PDZD2: variants seen among roughly 807,000 people sequenced by gnomAD.
The protein encoded by PDZD2 is PDZ domain-containing protein 2.
In PDZD2, 90 loss-of-function variants were observed where a neutral mutation model predicts 220.7. That is an observed-to-expected ratio of 0.41 (90% CI 0.34 to 0.49). The LOEUF (loss-of-function observed/expected upper bound fraction) is 0.49. Ranked by LOEUF, PDZD2 falls within the 20% of genes least tolerant of loss-of-function variation. PDZD2 has a pLI of 0.28. For synonymous variants in PDZD2, 1,375 were observed against 1,450.5 expected, an observed-to-expected ratio of 0.95 and a Z score of 1.18; for missense variants, 3,174 against 3,608.5, an observed-to-expected ratio of 0.88 and a Z score of 3.08.
chr5:31,974,704 C>T (rs1255688532), intron 2 of PDZD2, among the ~76,000 whole-genome samples: 1 of 152,162 alleles, frequency 6.6e-6, no homozygotes, highest in Non-Finnish European at 1.5e-5. Flanking sequence ...TCCTTCAGGG[C>T]AGTATGGACC....
At chr5:32,061,177 C>T in intron 14 of PDZD2, 43 bp downstream of exon 14, 2 of 1,589,210 alleles carry the variant, frequency 1.3e-6, no homozygotes, top group African/African-American at 1.3e-5. Flanking sequence ...AGATGATACA[C>T]CTTCCTAGGA....
chr5:31,808,042 G>A (rs1754842925), intron 2 of PDZD2, among the ~76,000 whole-genome samples: 1 of 152,206 alleles, frequency 6.6e-6, no homozygotes, highest in African/African-American at 2.4e-5. Flanking sequence ...CTGCTAGAAG[G>A]TGTTACTTGG....
rs148851773 is a variant in PDZD2 at position 31,970,960 on chromosome 5, GCA to G, written c.477-12193_477-12192del. ...CAGCTGCCTCACAACTACCACATGA[GCA>G]CCTCAAACTCAAGGTGTCCAGAACT... On this transcript the variant is annotated intron_variant, in intron 2 of 24. Coordinates refer to ENST00000438447, the MANE Select transcript of PDZD2 (RefSeq NM_178140.4). Among the ~76,000 whole-genome samples the G allele has an allele frequency of 9.2e-3, 1,396 of 152,210 alleles. 25 individuals are homozygous for G. The highest frequency in any genetic ancestry group is 0.032 in the African/African-American group (1,317 of 41,522).
intron 6 of PDZD2, among the ~76,000 whole-genome samples, chr5:32,011,008 C>CAAAAAAA (rs34837601): frequency 1.1e-4 from 11 of 100,340 alleles, no homozygotes; most frequent in African/African-American, 4.3e-4. Context: ...AAAAACCTCT[C>CAAAAAAA]AAAAAAAAAA....
chr5:31,992,972 G>A (rs1751346718), intron 3 of PDZD2, among the ~76,000 whole-genome samples: 1 of 152,022 alleles, frequency 6.6e-6, no homozygotes, highest in Non-Finnish European at 1.5e-5. Flanking sequence ...ACAACATCCA[G>A]TCAGCACATC....
At chr5:31,979,895 C>G (rs1364013406) in intron 2 of PDZD2, among the ~76,000 whole-genome samples, 2 of 152,148 alleles carry the variant, frequency 1.3e-5, no homozygotes, top group African/African-American at 4.8e-5. Flanking sequence ...ATTGATATTT[C>G]CAAGCTGCAG....
intron 19 of PDZD2, among the ~76,000 whole-genome samples, chr5:32,078,389 T>C (rs1176612276): frequency 6.6e-6 from 1 of 152,074 alleles, no homozygotes; most frequent in African/African-American, 2.4e-5. Flanking sequence ...CCCAGCACTT[T>C]GGGAAGCTGA....
intron 19 of PDZD2, among the ~76,000 whole-genome samples, chr5:32,086,820 G>A (rs572118025): frequency 2.1e-5 from 3 of 140,768 alleles, no homozygotes; most frequent in Non-Finnish European, 4.5e-5. Flanking sequence ...GGGATTACAG[G>A]TGCCCACCCC....
intron 2 of PDZD2, among the ~76,000 whole-genome samples, chr5:31,872,270 G>A (rs76792962): frequency 0.011 from 1,727 of 151,964 alleles, 33 homozygotes; most frequent in African/African-American, 0.039. Flanking sequence ...TCTCAGGGTC[G>A]GTCAACTTGA....
chr5:31,660,698 G>A (rs536731250), intron 1 of PDZD2, among the ~76,000 whole-genome samples: 1 of 152,244 alleles, frequency 6.6e-6, no homozygotes, highest in South Asian at 2.1e-4. Flanking sequence ...TGGGGATTAT[G>A]GGAACTACAA....
intron 2 of PDZD2, among the ~76,000 whole-genome samples, chr5:31,976,140 T>C (rs1187049076): frequency 1.3e-5 from 2 of 152,148 alleles, no homozygotes; most frequent in Non-Finnish European, 2.9e-5. Flanking sequence ...AGGGAGGCGA[T>C]ACCTGAGAGA....
chr5:31,816,373 G>C (rs1755460138), intron 2 of PDZD2, among the ~76,000 whole-genome samples: 1 of 151,774 alleles, frequency 6.6e-6, no homozygotes, highest in South Asian at 2.1e-4. Flanking sequence ...CTGAAGCCAA[G>C]TACAGTAGTT....
At chr5:32,062,980 A>C (rs1319302651) in intron 14 of PDZD2, among the ~76,000 whole-genome samples, 1 of 151,620 alleles carries the variant, frequency 6.6e-6, no homozygotes, top group East Asian at 1.9e-4. Flanking sequence ...AGCTCCTTAC[A>C]TTTTATCATT....
intron 2 of PDZD2, among the ~76,000 whole-genome samples, chr5:31,978,817 G>A (rs900618618): frequency 2.0e-5 from 3 of 151,972 alleles, no homozygotes; most frequent in African/African-American, 7.3e-5. Context: ...TCTGCAGGAA[G>A]ACCTTAGAAA....
At chr5:32,018,426 G>T (rs1478739759) in intron 6 of PDZD2, among the ~76,000 whole-genome samples, 1 of 152,240 alleles carries the variant, frequency 6.6e-6, no homozygotes, top group African/African-American at 2.4e-5. Flanking sequence ...TTCAGGGACA[G>T]AGGGAGTGAG....
intron 2 of PDZD2, among the ~76,000 whole-genome samples, chr5:31,913,468 A>T (rs911809490): frequency 6.6e-6 from 1 of 152,218 alleles, no homozygotes. Context: ...TAGTTTGTAC[A>T]ATTGAAAAAT....
At chr5:31,661,785 G>GGTT in intron 1 of PDZD2, among the ~76,000 whole-genome samples, 1 of 141,840 alleles carries the variant, frequency 7.1e-6, no homozygotes, top group South Asian at 2.2e-4. Flanking sequence ...TCCTCCCTTG[G>GGTT]TTTTTTTTTT....
chr5:31,841,017 G>T (rs1757268887), intron 2 of PDZD2: 2 of 344,948 alleles, frequency 5.8e-6, no homozygotes, highest in Admixed American at 8.8e-5. Flanking sequence ...TTATATTTTT[G>T]AAGCCTCATT....
intron 1 of PDZD2, among the ~76,000 whole-genome samples, chr5:31,758,014 T>G (rs1010312407): frequency 6.6e-6 from 1 of 152,226 alleles, no homozygotes; most frequent in Non-Finnish European, 1.5e-5. Flanking sequence ...ATTCCACATG[T>G]CTGGTCCCTT....
Sources: allele counts gnomAD v4.1 joint callset (sites outside exome capture counted in the v4.1 genomes callset), GRCh38; gene constraint gnomAD v4.1.1; transcripts MANE v1.5; gene names NCBI Gene and HGNC (gene_info 2026-07-23, HGNC 2026-07-21).